C5AR2: variants seen among roughly 807,000 people sequenced by gnomAD.
The protein encoded by C5AR2 is C5a anaphylatoxin chemotactic receptor 2.
For synonymous variants in C5AR2, 224 were observed against 216.5 expected, an observed-to-expected ratio of 1.03 and a Z score of -0.30; for missense variants, 458 against 467.5, an observed-to-expected ratio of 0.98 and a Z score of 0.19.
intron 1 of C5AR2, among the ~76,000 whole-genome samples, chr19:47,340,247 G>C (rs1055386943): frequency 6.6e-6 from 1 of 151,592 alleles, no homozygotes; most frequent in South Asian, 2.1e-4. Flanking sequence ...CTGAACCACC[G>C]TGCCCAGCCC....
chr19:47,336,471 TCCTTCCTTCCTTCCTTCCTTTC>T (rs1482537981), intron 1 of C5AR2, among the ~76,000 whole-genome samples: 3 of 140,796 alleles, frequency 2.1e-5, no homozygotes, highest in African/African-American at 8.6e-5. Flanking sequence ...CTTCCTTCCT[TCCTTCCTTCCTTCCTTCCTTTC>T]TTTCTTTCTT....
chr19:47,337,873 C>A (rs2122165827), intron 1 of C5AR2, among the ~76,000 whole-genome samples: 1 of 151,922 alleles, frequency 6.6e-6, no homozygotes, highest in African/African-American at 2.4e-5. Flanking sequence ...GAATTCCAAA[C>A]CAGCCTGACC....
Position 47,341,079 on chromosome 19 carries a change from A to G in C5AR2, c.280A>G (p.Ile94Val). The change falls in exon 2 of 2, where the codon ATT (isoleucine) becomes GTT (valine). Residue 94 changes from isoleucine (I) to valine (V), a missense_variant. By Grantham distance (29) the Ile-to-Val change is conservative. Transcript: ENST00000595464. The surrounding 1 kb of genome is among the most constrained non-coding windows in gnomAD (Gnocchi z 4.6). ...GTCTCTGCCCATCCTGGCAGTGCCC[A>G]TTGCCCGTGGAGGCCACTGGCCGTA... ...CLSLPILAVP[I>V]ARGGHWPYGA... is the part of the protein sequence containing the mutation. 6.2e-7 allele frequency: 1 copy of G among 1,605,440 alleles called. No homozygotes were observed. Among genetic ancestry groups the G allele is most frequent in the Non-Finnish European group, 8.5e-7 (1 of 1,179,904 alleles).
At chr19:47,335,066 TAAA>T (rs2059352395) in intron 1 of C5AR2, among the ~76,000 whole-genome samples, 1 of 147,510 alleles carries the variant, frequency 6.8e-6, no homozygotes. Flanking sequence ...TTTTTTTTTT[TAAA>T]TCTTTAGCAG....
In C5AR2 at chr19:47,340,863, G is replaced by A. The variant is rs145161811; in HGVS notation, c.64G>A (p.Asp22Asn). Residue 22 changes from aspartate (D) to asparagine (N), a missense_variant, in exon 2 of 2, where the codon GAC (aspartate) becomes AAC (asparagine). By Grantham distance (23) the Asp-to-Asn change is conservative. Transcript: ENST00000595464. ...CAGCGACCTCTCGGACCGCCCTGTG[G>A]ACTGCCTGGATGGCGCCTGCCTGGC... ...DYSDLSDRPV[D>N]CLDGACLAID... is the part of the protein sequence containing the mutation. The A allele has an allele frequency of 1.9e-6, 3 of 1,613,520 alleles. No individual in the cohort carries two copies. The highest frequency in any genetic ancestry group is 2.7e-5 in the African/African-American group (2 of 74,942).
At position 47,341,249 on chromosome 19, in the gene C5AR2, G is replaced by T. The variant is rs745954955; in HGVS notation, c.450G>T (p.Gly150=). ...GGTCTACGGTTCAGCGGGCGTGCGG[G>T]GTGCAGGTGGCCTGTGGGGCAGCCT... ...AWWSTVQRAC[G]VQVACGAAWT... The change falls in exon 2 of 2, where the codon GGG becomes GGT. Residue 150 remains glycine, a synonymous_variant. Coordinates refer to ENST00000595464, the MANE Select transcript of C5AR2 (RefSeq NM_001271749.2). This position sits in a 1 kb window ranked among gnomAD's most constrained non-coding sequence, Gnocchi z 4.6. 1.2e-6 allele frequency: 2 copies of T among 1,603,016 alleles called. No individual in the cohort carries two copies. The highest frequency in any genetic ancestry group is 1.7e-6 in the Non-Finnish European group (2 of 1,179,862).
Position 47,341,810 on chromosome 19 carries a change from G to A in C5AR2, c.1011G>A (p.Val337=). ...TSHDLVSEME[V] is the part of the protein sequence containing the mutation. The stretch of plus-strand genomic sequence containing the variant: ...ATGACCTGGTCTCGGAGATGGAGGT[G>A]TAGGCTGGAGAGACATTGTGGGTGT... Residue 337 remains valine, a synonymous_variant, in exon 2 of 2, where the codon GTG becomes GTA. Coordinates refer to ENST00000595464, the MANE Select transcript of C5AR2 (RefSeq NM_001271749.2). The surrounding 1 kb of genome is among the most constrained non-coding windows in gnomAD (Gnocchi z 4.6). 3.1e-6 allele frequency: 5 copies of A among 1,612,926 alleles called. No individual in the cohort carries two copies. Among genetic ancestry groups the A allele is most frequent in the Non-Finnish European group, 4.2e-6 (5 of 1,179,470 alleles).
chr19:47,341,434 C>A lies in C5AR2; in HGVS notation c.635C>A (p.Pro212His), dbSNP rs760431210. ...AIRFLFGFLG[P>H]LVAVASCHSA... Reference sequence around the variant, plus strand: ...CGGTTTCTTTTTGGCTTCCTGGGGCCCCTGGTGGCCGTGGCCAGCTGCCAC... The same window carrying A: ...CGGTTTCTTTTTGGCTTCCTGGGGCACCTGGTGGCCGTGGCCAGCTGCCAC... Residue 212 changes from proline (P) to histidine (H), a missense_variant, in exon 2 of 2, where the codon CCC becomes CAC. Pro to His is a moderately conservative substitution (Grantham distance 77). Transcript: ENST00000595464. This position sits in a 1 kb window ranked among gnomAD's most constrained non-coding sequence, Gnocchi z 4.6. 5.6e-6 allele frequency: 9 copies of A among 1,612,174 alleles called. No individual in the cohort carries two copies. The highest frequency in any genetic ancestry group is 7.6e-6 in the Non-Finnish European group (9 of 1,179,890).
rs774356513 is a variant in C5AR2 at position 47,340,904 on chromosome 19, C to T, written c.105C>T (p.Arg35=). 3.7e-6 allele frequency: 6 copies of T among 1,612,840 alleles called. No individual in the cohort carries two copies. The highest frequency in any genetic ancestry group is 2.2e-5 in the East Asian group (1 of 44,878). ...CCTGCCTGGCCATCGACCCGCTGCG[C>T]GTGGCCCCGCTCCCACTGTATGCCG... is the stretch of plus-strand genomic sequence containing the variant. ...DGACLAIDPL[R]VAPLPLYAAI... Residue 35 remains arginine, a synonymous_variant, in exon 2 of 2, where the codon CGC becomes CGT. Coordinates refer to ENST00000595464, the MANE Select transcript of C5AR2 (RefSeq NM_001271749.2).
chr19:47,341,001 G>A lies in C5AR2; in HGVS notation c.202G>A (p.Val68Met), dbSNP rs148105937. The A allele has an allele frequency of 6.2e-6, 10 of 1,609,810 alleles. No homozygotes were observed. Among genetic ancestry groups the A allele is most frequent in the South Asian group, 3.3e-5 (3 of 91,080 alleles). ...WVAGKVARRR[V>M]GATWLLHLAV... ...GGCTGGGAAGGTGGCCCGCCGGAGG[G>A]TGGGTGCCACCTGGTTGCTCCACCT... is the stretch of plus-strand genomic sequence containing the variant. The change falls in exon 2 of 2, where the codon GTG becomes ATG. Residue 68 changes from valine (V) to methionine (M), a missense_variant. Physicochemically the swap from Val to Met is conservative, Grantham distance 21. Transcript: ENST00000595464. The surrounding 1 kb of genome is among the most constrained non-coding windows in gnomAD (Gnocchi z 4.6).
rs1969094500 is a variant in C5AR2 at position 47,344,754 on chromosome 19, G to A, written c.*2941G>A. The stretch of plus-strand genomic sequence containing the variant: ...GTAAATTCCCCAAGGGTAACAACTG[G>A]ACTAATTTTTTTTAATTTAATTTAA... On this transcript the variant is annotated 3_prime_UTR_variant, in exon 2 of 2. Coordinates refer to ENST00000595464, the MANE Select transcript of C5AR2 (RefSeq NM_001271749.2). 1.3e-5 allele frequency: 2 copies of A among 151,984 alleles called. No individual in the cohort carries two copies. Among genetic ancestry groups the A allele is most frequent in the African/African-American group, 4.8e-5 (2 of 41,386 alleles). 9.4% of individuals were successfully genotyped at this position (151,984 alleles called of 1,614,324 possible). A position where few individuals can be genotyped will look rare whatever the true frequency, so the allele number is the denominator to read the frequency against.
chr19:47,333,532 G>C (rs1305209656), intron 1 of C5AR2, among the ~76,000 whole-genome samples: 1 of 151,770 alleles, frequency 6.6e-6, no homozygotes, highest in Non-Finnish European at 1.5e-5. Context: ...GCTGGGTCGT[G>C]AGGGAGGAAT....
chr19:47,345,358 CT>C lies in C5AR2; in HGVS notation c.*3568del, dbSNP rs34783812. 1,525 of 111,070 alleles carry C rather than the reference CT, an allele frequency of 0.014. 11 individuals are homozygous for C. The highest frequency in any genetic ancestry group is 0.038 in the African/African-American group (1,009 of 26,816). The allele number at this position is 111,070 out of a possible 1,614,324, so 6.9% of individuals were successfully genotyped here. On this transcript the variant is annotated 3_prime_UTR_variant, in exon 2 of 2. Transcript: ENST00000595464. ...GCTCAGTCAGAAAGCACTGGTATCA[CT>C]TTTTTTTTTTTTTTTTTTTTTTGAG...
intron 1 of C5AR2, among the ~76,000 whole-genome samples, chr19:47,340,050 G>A (rs2059376179): frequency 1.3e-5 from 2 of 151,294 alleles, no homozygotes; most frequent in South Asian, 2.1e-4. Context: ...AATCTCCTGG[G>A]CTCAAATGAT....
chr19:47,340,719 A>G (rs963581169), intron 1 of C5AR2, 66 bp from the exon 2 acceptor site: 7 of 1,466,682 alleles, frequency 4.8e-6, no homozygotes, highest in South Asian at 1.1e-5. Context: ...GCTGATGGAC[A>G]CCCTAGATCT....
chr19:47,338,148 T>A (rs1171701283), intron 1 of C5AR2, among the ~76,000 whole-genome samples: 1 of 151,996 alleles, frequency 6.6e-6, no homozygotes, highest in African/African-American at 2.4e-5. Flanking sequence ...TGGTGGCCAC[T>A]GCCTGTAGTC....
At position 47,340,772 on chromosome 19, in the gene C5AR2, C is replaced by T. The variant is rs1968999725; in HGVS notation, c.-15-13C>T. On this transcript the variant is annotated splice_polypyrimidine_tract_variant and intron_variant, in intron 1 of 1. Transcript: ENST00000595464. ...CCTCCTCTGAGTTTTCATCGTCTTT[C>T]TCTCCTGCCCAGACACCAGGAGCCT... 4 of 1,612,314 alleles carry T rather than the reference C, an allele frequency of 2.5e-6. No individual in the cohort carries two copies. The highest frequency in any genetic ancestry group is 3.4e-6 in the Non-Finnish European group (4 of 1,179,284).
intron 1 of C5AR2, among the ~76,000 whole-genome samples, chr19:47,338,274 C>CG: frequency 3.3e-4 from 1 of 3,026 alleles, no homozygotes; most frequent in Non-Finnish European, 5.1e-4. Context: ...GACCCTGTCT[C>CG]TAAAAAAAAT....
intron 1 of C5AR2, among the ~76,000 whole-genome samples, chr19:47,336,111 T>C (rs1420390239): frequency 6.6e-6 from 1 of 151,994 alleles, no homozygotes; most frequent in African/African-American, 2.4e-5. Flanking sequence ...TTTTTTATGA[T>C]GCAGTCTCGC....
Sources: gnomAD v4.1 joint callset for allele counts (sites outside exome capture counted in the v4.1 genomes callset) on GRCh38, gnomAD v4.1.1 for gene constraint, Gnocchi (gnomAD v3.1) non-coding constraint, MANE v1.5 for transcripts, NCBI Gene and HGNC (gene_info 2026-07-23, HGNC 2026-07-21) for gene names.